The following ECD variants were observed in gnomAD, a reference collection of about 807,000 sequenced individuals.
ECD encodes the protein protein ecdysoneless homolog.
ECD carries 59 observed loss-of-function variants against 77.2 expected under a neutral mutation model. That is an observed-to-expected ratio of 0.76 (90% CI 0.62 to 0.95). The LOEUF (loss-of-function observed/expected upper bound fraction) is 0.95, where lower values mean the gene tolerates loss of function less well. ECD is among the 40% of genes least tolerant of loss of function. ECD has a pLI of 0.00. For missense variants in ECD, 704 were observed against 763.4 expected (o/e 0.92, Z 0.92); for synonymous variants, 233 against 267.4 (o/e 0.87, Z 1.26).
chr10:73,150,570 C>T (rs1843188984), intron 7 of ECD, among the ~76,000 whole-genome samples: 1 of 152,118 alleles, frequency 6.6e-6, no homozygotes, highest in African/African-American at 2.4e-5. Context: ...AAGAAACTAC[C>T]ATCAGGGTGA....
intron 9 of ECD, among the ~76,000 whole-genome samples, chr10:73,145,973 T>C (rs961962213): frequency 6.6e-6 from 1 of 151,878 alleles, no homozygotes; most frequent in Non-Finnish European, 1.5e-5. Flanking sequence ...ATTATGTTTA[T>C]AAAGACTTCA....
chr10:73,150,440 G>A (rs1393582805), intron 7 of ECD, among the ~76,000 whole-genome samples: 1 of 151,950 alleles, frequency 6.6e-6, no homozygotes, highest in Non-Finnish European at 1.5e-5. Flanking sequence ...AACCTAGGCA[G>A]TACCATTCAG....
intron 1 of ECD, among the ~76,000 whole-genome samples, chr10:73,164,466 A>T (rs1194910289): frequency 3.3e-5 from 5 of 152,062 alleles, no homozygotes; most frequent in African/African-American, 1.2e-4. Context: ...TAATTTTTTT[A>T]AACTTTATTT....
chr10:73,148,973 A>G (rs921174665), intron 7 of ECD, among the ~76,000 whole-genome samples: 1 of 152,174 alleles, frequency 6.6e-6, no homozygotes, highest in Non-Finnish European at 1.5e-5. Flanking sequence ...CTCTGTATGC[A>G]TAGCTTTCTA....
In ECD at chr10:73,152,417, G is replaced by T; in HGVS notation, c.788C>A (p.Thr263Lys). Residue 263 changes from threonine (T) to lysine (K), a missense_variant, in exon 7 of 14, where the codon ACA (threonine) becomes AAA (lysine). Coordinates refer to ENST00000372979, the MANE Select transcript of ECD (RefSeq NM_007265.3). ...LPETRIMTSV[T>K]FTKCLYAQLV... ...TTGTGCATATAGACATTTAGTGAAT[G>T]TGACCTGGGCATCAAGACACAAAAT... 1 of 1,612,216 alleles carries T rather than the reference G, an allele frequency of 6.2e-7. No homozygotes were observed. The highest frequency in any genetic ancestry group is 8.5e-7 in the Non-Finnish European group (1 of 1,178,564).
At chr10:73,147,334 G>A (rs1219779064) in intron 8 of ECD, among the ~76,000 whole-genome samples, 5 of 152,204 alleles carry the variant, frequency 3.3e-5, no homozygotes, top group African/African-American at 1.2e-4. Context: ...GATCACCTGA[G>A]GTCAGGAGTC....
intron 6 of ECD, among the ~76,000 whole-genome samples, chr10:73,153,944 C>T (rs184279779): frequency 5.4e-4 from 82 of 152,058 alleles, no homozygotes; most frequent in Admixed American, 2.5e-3. Context: ...TGAGTCCCAA[C>T]GATATGCTCA....
rs1328780494 is a variant in ECD at position 73,152,153 on chromosome 10, C to A, written c.912+140G>T. On this transcript the variant is annotated intron_variant, in intron 7 of 13. Transcript: ENST00000372979. ...CACTTACTAAGTAATCCATTTTTTT[C>A]ATTCTAATTTGAAATGCCACATTTT... is the stretch of plus-strand genomic sequence containing the variant. The A allele has an allele frequency of 7.4e-6, 8 of 1,075,502 alleles. No homozygotes were observed. The East Asian group carries it at 1.9e-4, about 26-fold the overall frequency. 66.6% of individuals were successfully genotyped at this position (1,075,502 alleles called of 1,614,324 possible).
Position 73,137,989 on chromosome 10 carries a change from A to C in ECD, c.1489+14T>G, listed in dbSNP as rs1359583759. 1.9e-6 allele frequency: 3 copies of C among 1,567,256 alleles called. No individual in the cohort carries two copies. Among genetic ancestry groups the C allele is most frequent in the South Asian group, 2.4e-5 (2 of 82,498 alleles). ...CAGTTTCAAAATGAAAGTCAACATC[A>C]CACCACTACTTACCTAAAATCTTAT... is the stretch of plus-strand genomic sequence containing the variant. On this transcript the variant is annotated intron_variant, in intron 12 of 13. Coordinates refer to ENST00000372979, the MANE Select transcript of ECD (RefSeq NM_007265.3).
At chr10:73,163,667 T>C in intron 2 of ECD, 66 bp downstream of exon 2, 2 of 1,504,528 alleles carry the variant, frequency 1.3e-6, no homozygotes, top group Non-Finnish European at 1.8e-6. Flanking sequence ...CGTGGACTAT[T>C]ACACATCACT....
chr10:73,150,221 A>G (rs1843185056), intron 7 of ECD, among the ~76,000 whole-genome samples: 3 of 152,188 alleles, frequency 2.0e-5, no homozygotes, highest in South Asian at 2.1e-4. Context: ...ATAATGCCAC[A>G]TATCTACAAC....
chr10:73,146,635 T>C (rs1173709845), intron 8 of ECD, among the ~76,000 whole-genome samples: 1 of 152,232 alleles, frequency 6.6e-6, no homozygotes, highest in African/African-American at 2.4e-5. Context: ...TTTTACTTAA[T>C]TACTTATTAA....
At chr10:73,149,430 A>G (rs61480451) in intron 7 of ECD, among the ~76,000 whole-genome samples, 10,899 of 152,298 alleles carry the variant, frequency 0.072, 645 homozygotes, top group East Asian at 0.3. Context: ...AGCAATATGC[A>G]TACTGTCTCA....
rs575082192 is a variant in ECD at position 73,156,434 on chromosome 10, TC to T, written c.430del (p.Glu144AsnfsTer28). 2.4e-4 allele frequency: 384 copies of T among 1,608,376 alleles called. No individual in the cohort carries two copies. The highest frequency in any genetic ancestry group is 3.1e-4 in the Non-Finnish European group (367 of 1,178,100). ...STNRVFFCHGELCIIPAPRKS... is the reference protein window; with the variant it reads ...STNRVFFCHGXLCIIPAPRKS... The stretch of plus-strand genomic sequence containing the variant: ...TCTTGGTGCAGGGATAATACACAAT[TC>T]CCCATGGCAGAAAAATACCTGCAAA... On this transcript the variant is annotated frameshift_variant, in exon 5 of 14. Transcript: ENST00000372979. LOFTEE classifies it high-confidence loss of function.
At chr10:73,141,361 AAT>A (rs1554849401) in intron 9 of ECD, 3 of 169,060 alleles carry the variant, frequency 1.8e-5, no homozygotes, top group Non-Finnish European at 3.8e-5. Flanking sequence ...AAAAAAAAAA[AAT>A]TAGCTGGGCG....
intron 1 of ECD, among the ~76,000 whole-genome samples, chr10:73,164,305 T>G (rs1293086593): frequency 6.6e-6 from 1 of 150,426 alleles, no homozygotes; most frequent in East Asian, 2.0e-4. Flanking sequence ...TGAGCCGAGA[T>G]CATGCCACTG....
Position 73,148,307 on chromosome 10 carries a change from A to G in ECD, c.1010T>C (p.Leu337Pro). The G allele has an allele frequency of 1.2e-6, 2 of 1,613,718 alleles. No individual in the cohort carries two copies. The highest frequency in any genetic ancestry group is 1.7e-6 in the Non-Finnish European group (2 of 1,179,750). Reference sequence around the variant, plus strand: ...GTAATCATTCTTTTTCAGACTTTCAAGGAAACTGGCCCAGAGTGGTGAGGC... The same window carrying G: ...GTAATCATTCTTTTTCAGACTTTCAGGGAAACTGGCCCAGAGTGGTGAGGC... Reference protein sequence around the residue: ...VTASPLWASFLESLKKNDYFK... With the variant: ...VTASPLWASFPESLKKNDYFK... Residue 337 changes from leucine (L) to proline (P), a missense_variant, in exon 8 of 14, where the codon CTT becomes CCT. Leu to Pro is a moderately conservative substitution (Grantham distance 98, BLOSUM62 -3). Coordinates refer to ENST00000372979, the MANE Select transcript of ECD (RefSeq NM_007265.3).
chr10:73,152,558 C>A (rs375444225), intron 6 of ECD, 137 bp from the exon 7 acceptor site: 1 of 993,914 alleles, frequency 1.0e-6, no homozygotes, highest in Non-Finnish European at 1.4e-6. Context: ...TCAACCTATT[C>A]ATTGCCTACT....
At chr10:73,139,884 T>C (rs1843030107) in intron 9 of ECD, 147 bp from the exon 10 acceptor site, 4 of 582,378 alleles carry the variant, frequency 6.9e-6, no homozygotes, top group East Asian at 3.1e-5. Flanking sequence ...TGGGGTTTCA[T>C]TGTTGCCCAG....
Sources: gnomAD v4.1 joint callset for allele counts (sites outside exome capture counted in the v4.1 genomes callset) on GRCh38, gnomAD v4.1.1 for gene constraint, MANE v1.5 for transcripts, NCBI Gene and HGNC (gene_info 2026-07-23, HGNC 2026-07-21) for gene names.